The following GTSF1 variants were observed in gnomAD, a reference collection of about 807,000 sequenced individuals.
The protein encoded by GTSF1 is gametocyte-specific factor 1.
A neutral mutation model predicts 28.9 loss-of-function variants in GTSF1; 11 were observed. The ratio of observed to expected loss-of-function variants is 0.38; its 90% CI spans 0.24 to 0.63. GTSF1 has a LOEUF of 0.63. Among genes scored for constraint, GTSF1 ranks in the 30% least tolerant of loss-of-function variants. GTSF1 has a pLI of 0.56. For synonymous variants in GTSF1, 69 were observed against 65.6 expected (o/e 1.05, Z -0.25); for missense variants, 146 against 201.0 (o/e 0.73, Z 1.66).
At chr12:54,456,796 T>A (rs1956338830) in intron 8 of GTSF1, among the ~76,000 whole-genome samples, 1 of 152,130 alleles carries the variant, frequency 6.6e-6, no homozygotes, top group South Asian at 2.1e-4. Flanking sequence ...TTGAAAATAA[T>A]ACTTAATGGC....
intron 2 of GTSF1, among the ~76,000 whole-genome samples, chr12:54,466,081 A>C (rs1195003122): frequency 2.6e-5 from 4 of 152,218 alleles, no homozygotes; most frequent in East Asian, 1.9e-4. Flanking sequence ...TGTGTGAAAG[A>C]AAGCCCCTAA....
intron 2 of GTSF1, among the ~76,000 whole-genome samples, chr12:54,467,867 G>A (rs1038015793): frequency 1.3e-5 from 2 of 150,552 alleles, no homozygotes; most frequent in African/African-American, 2.4e-5. Context: ...TCTGCCTCCC[G>A]GGTTCAAGTG....
chr12:54,464,752 A>G (rs1378869945), intron 3 of GTSF1: 2 of 178,046 alleles, frequency 1.1e-5, no homozygotes, highest in East Asian at 2.7e-4. Context: ...TCATGAATAC[A>G]TCAAATTTAG....
intron 7 of GTSF1, chr12:54,459,444 G>T (rs1446737130): frequency 7.5e-7 from 1 of 1,335,366 alleles, no homozygotes; most frequent in Non-Finnish European, 9.8e-7. Flanking sequence ...GAAATCAAGA[G>T]AATCTGAATC....
chr12:54,458,588 T>C (rs1956372289), intron 8 of GTSF1, among the ~76,000 whole-genome samples: 1 of 151,938 alleles, frequency 6.6e-6, no homozygotes. Context: ...GCCAGGCTGG[T>C]CTCAAACTCC....
At chr12:54,465,259 C>A in intron 2 of GTSF1, 92 bp from the exon 3 acceptor site, 1 of 762,896 alleles carries the variant, frequency 1.3e-6, no homozygotes, top group Admixed American at 2.1e-5. Flanking sequence ...TCAAGAGACT[C>A]TGTAATAATA....
chr12:54,459,512 G>T, intron 7 of GTSF1: 1 of 1,167,020 alleles, frequency 8.6e-7, no homozygotes, highest in Non-Finnish European at 1.1e-6. Flanking sequence ...TATCTTGGGT[G>T]TTCTCTATGT....
chr12:54,457,268 G>A (rs1408646448), intron 8 of GTSF1, among the ~76,000 whole-genome samples: 1 of 152,152 alleles, frequency 6.6e-6, no homozygotes, highest in Admixed American at 6.5e-5. Context: ...AGTCCCAAAG[G>A]AGAGAAGGGT....
intron 2 of GTSF1, among the ~76,000 whole-genome samples, chr12:54,467,551 G>A (rs1256504577): frequency 1.3e-5 from 2 of 152,010 alleles, no homozygotes; most frequent in African/African-American, 4.8e-5. Context: ...CTGACCTCAG[G>A]TGATCCACCT....
At chr12:54,467,306 G>GT (rs145700155) in intron 2 of GTSF1, among the ~76,000 whole-genome samples, 7,910 of 149,138 alleles carry the variant, frequency 0.053, 357 homozygotes, top group East Asian at 0.22. Flanking sequence ...TTTCCTGTGT[G>GT]TTTTTTTTGT....
At chr12:54,463,409 C>T (rs1285060053) in intron 3 of GTSF1, 112 bp from the exon 4 acceptor site, 1 of 907,640 alleles carries the variant, frequency 1.1e-6, no homozygotes, top group Non-Finnish European at 1.7e-6. Flanking sequence ...CAATAAACTT[C>T]TGGCTTAACT....
intron 2 of GTSF1, among the ~76,000 whole-genome samples, chr12:54,467,760 T>C (rs1359798555): frequency 6.6e-6 from 1 of 152,092 alleles, no homozygotes; most frequent in Non-Finnish European, 1.5e-5. Context: ...TTAATGGACA[T>C]TTACATTGTT....
chr12:54,463,079 T>C (rs1956450243), intron 4 of GTSF1, 92 bp downstream of exon 4: 1 of 1,371,116 alleles, frequency 7.3e-7, no homozygotes, highest in Non-Finnish European at 1.0e-6. Context: ...TCTAAAACAC[T>C]GAAAGCCAAA....
intron 7 of GTSF1, 91 bp downstream of exon 7, chr12:54,460,286 G>A: frequency 1.1e-6 from 1 of 889,910 alleles, no homozygotes; most frequent in South Asian, 1.5e-5. Flanking sequence ...GGAAATGCAA[G>A]GTGTTCAGAC....
At chr12:54,466,777 T>A (rs563505625) in intron 2 of GTSF1, 7 of 151,650 alleles carry the variant, frequency 4.6e-5, no homozygotes, top group Non-Finnish European at 1.0e-4. Flanking sequence ...AACTTTAACC[T>A]GGCTTTCTAG....
intron 2 of GTSF1, among the ~76,000 whole-genome samples, chr12:54,470,874 C>G (rs1189163612): frequency 6.6e-6 from 1 of 152,196 alleles, no homozygotes; most frequent in South Asian, 2.1e-4. Context: ...AATAAGAATC[C>G]TTCCCAGATT....
intron 7 of GTSF1, chr12:54,459,371 G>A (rs755008058): frequency 1.4e-6 from 2 of 1,415,610 alleles, no homozygotes; most frequent in South Asian, 1.3e-5. Flanking sequence ...AGTATCCAGG[G>A]AGAAACGTTT....
intron 2 of GTSF1, 67 bp from the exon 3 acceptor site, chr12:54,465,234 G>T: frequency 1.9e-6 from 2 of 1,025,722 alleles, no homozygotes; most frequent in Non-Finnish European, 1.5e-6. Context: ...AGCATTCCAG[G>T]CACACTGGAT....
chr12:54,463,755 C>CT (rs1411476991), intron 3 of GTSF1, among the ~76,000 whole-genome samples: 3 of 152,152 alleles, frequency 2.0e-5, no homozygotes, highest in Admixed American at 2.0e-4. Context: ...TACAATAGTG[C>CT]TGGAAAATAG....
Sources: gnomAD v4.1 joint callset for allele counts (sites outside exome capture counted in the v4.1 genomes callset) on GRCh38, gnomAD v4.1.1 for gene constraint, MANE v1.5 for transcripts, NCBI Gene and HGNC (gene_info 2026-07-23, HGNC 2026-07-21) for gene names.